The following CASS4 variants were observed in gnomAD, a reference collection of about 807,000 sequenced individuals.
CASS4 encodes cas scaffolding protein family member 4.
A neutral mutation model predicts 54.2 loss-of-function variants in CASS4; 22 were observed. The ratio of observed to expected loss-of-function variants is 0.41; its 90% CI spans 0.29 to 0.58. CASS4 has a LOEUF of 0.58. Among genes scored for constraint, CASS4 ranks in the 20% least tolerant of loss-of-function variants. CASS4 has a pLI of 0.36. For synonymous variants in CASS4, 409 were observed against 391.5 expected (o/e 1.04, Z -0.53); for missense variants, 854 against 986.7 (o/e 0.87, Z 1.80).
chr20:56,429,790 G>A (rs948002179), intron 1 of CASS4, among the ~76,000 whole-genome samples: 1 of 152,014 alleles, frequency 6.6e-6, no homozygotes, highest in African/African-American at 2.4e-5. Flanking sequence ...TCAGGTAAAC[G>A]TCCCTAAGCC....
chr20:56,442,961 A>G (rs1407346365), intron 2 of CASS4, among the ~76,000 whole-genome samples: 1 of 151,806 alleles, frequency 6.6e-6, no homozygotes, highest in Admixed American at 6.5e-5. Flanking sequence ...TGCTCTGTGG[A>G]GGTGCCCTTA....
Position 56,430,691 on chromosome 20 carries a change from C to A in CASS4, c.37-6473C>A, listed in dbSNP as rs566807244. Among the ~76,000 whole-genome samples, 1 of 152,274 alleles carries A rather than the reference C, an allele frequency of 6.6e-6. No homozygotes were observed. The highest frequency in any genetic ancestry group is 2.1e-4 in the South Asian group (1 of 4,822). On this transcript the variant is annotated intron_variant, in intron 1 of 5. Coordinates refer to ENST00000679887, the MANE Select transcript of CASS4 (RefSeq NM_020356.4). This position sits in a 1 kb window ranked among gnomAD's most constrained non-coding sequence, Gnocchi z 4.2. ...TGTCCAGTGCTCCCTGCACGCCCAG[C>A]CTGACCATAACAGCCTGAGCCCAGC...
Position 56,412,601 on chromosome 20 carries a change from A to G in CASS4, c.36+107A>G. ...GACTTTCTAATAAAGGTTGAATACCAGTGACGTGTGAGTTGGAGATGGGAA... is the reference window on the plus strand; with the variant it reads ...GACTTTCTAATAAAGGTTGAATACCGGTGACGTGTGAGTTGGAGATGGGAA... On this transcript the variant is annotated intron_variant, in intron 1 of 5. Coordinates refer to ENST00000679887, the MANE Select transcript of CASS4 (RefSeq NM_020356.4). This position sits in a 1 kb window ranked among gnomAD's most constrained non-coding sequence, Gnocchi z 4.2. 5 of 1,160,560 alleles carry G rather than the reference A, an allele frequency of 4.3e-6. No homozygotes were observed. The highest frequency in any genetic ancestry group is 6.2e-6 in the Non-Finnish European group (5 of 801,950). 71.9% of individuals were successfully genotyped at this position (1,160,560 alleles called of 1,614,324 possible).
At chr20:56,450,941 G>A (rs553638054) in intron 4 of CASS4, among the ~76,000 whole-genome samples, 1 of 151,708 alleles carries the variant, frequency 6.6e-6, no homozygotes, top group Non-Finnish European at 1.5e-5. Flanking sequence ...GGCTGAGGTG[G>A]GCAGATCACT....
At position 56,424,740 on chromosome 20, in the gene CASS4, C is replaced by CAAAA. The variant is rs759106984; in HGVS notation, c.36+12266_36+12269dup. On this transcript the variant is annotated intron_variant, in intron 1 of 5. Coordinates refer to ENST00000679887, the MANE Select transcript of CASS4 (RefSeq NM_020356.4). ...TGGATGACAGAGCGAGACTCTGTCTCAAAAAAAAAAAAAAAAAAAAAAATC... is the reference window on the plus strand; with the variant it reads ...TGGATGACAGAGCGAGACTCTGTCTCAAAAAAAAAAAAAAAAAAAAAAAAAAATC... Among the ~76,000 whole-genome samples, 248 of 71,972 alleles carry CAAAA rather than the reference C, an allele frequency of 3.4e-3. 7 individuals are homozygous for CAAAA. The highest frequency in any genetic ancestry group is 0.013 in the East Asian group (27 of 2,122). 47.2% of individuals were successfully genotyped at this position (71,972 alleles called of 152,430 possible). A position where few individuals can be genotyped will look rare whatever the true frequency, so the allele number is the denominator to read the frequency against.
At chr20:56,418,415 G>A (rs370400376) in intron 1 of CASS4, among the ~76,000 whole-genome samples, 2 of 152,196 alleles carry the variant, frequency 1.3e-5, no homozygotes, top group East Asian at 3.8e-4. Context: ...GGTCGGCCGT[G>A]TAAGAGCTTT....
Position 56,415,552 on chromosome 20 carries a change from T to C in CASS4, c.36+3058T>C, listed in dbSNP as rs148320388. Among the ~76,000 whole-genome samples, 50 of 152,386 alleles carry C rather than the reference T, an allele frequency of 3.3e-4. 1 individual carries two copies. The highest frequency in any genetic ancestry group is 1.1e-3 in the African/African-American group (47 of 41,592). ...AATACGTACTGGTGTTCAGTTCATA[T>C]TAGTGCAGTTGATCCATCTCATTAA... On this transcript the variant is annotated intron_variant, in intron 1 of 5. Transcript: ENST00000679887.
rs555438955 is a variant in CASS4 at position 56,412,801 on chromosome 20, C to A, written c.36+307C>A. On this transcript the variant is annotated intron_variant, in intron 1 of 5. Transcript: ENST00000679887. The surrounding 1 kb of genome is among the most constrained non-coding windows in gnomAD (Gnocchi z 4.2). Reference sequence around the variant, plus strand: ...AAGCAAGATGCGAGTCTGCCTCAGCCCCCGCTAATTCCTTCTTTCTCTGGA... The same window carrying A: ...AAGCAAGATGCGAGTCTGCCTCAGCACCCGCTAATTCCTTCTTTCTCTGGA... 5.3e-5 allele frequency among the ~76,000 whole-genome samples: 8 copies of A among 152,276 alleles called. No individual in the cohort carries two copies. The East Asian group carries it at 1.5e-3, about 29-fold the overall frequency.
chr20:56,446,817 C>T (rs1193142002), intron 3 of CASS4, among the ~76,000 whole-genome samples: 1 of 152,142 alleles, frequency 6.6e-6, no homozygotes, highest in African/African-American at 2.4e-5. Context: ...TAAAAGCCCT[C>T]AGGTGATTGT....
rs1421379488 is a variant in CASS4 at position 56,430,039 on chromosome 20, C to A, written c.37-7125C>A. ...TGAGATCAGAAACAGTTTTGTTCACCACGATGCCTCCAGCAGAGCCCCTGG... is the reference window on the plus strand; with the variant it reads ...TGAGATCAGAAACAGTTTTGTTCACAACGATGCCTCCAGCAGAGCCCCTGG... On this transcript the variant is annotated intron_variant, in intron 1 of 5. Coordinates refer to ENST00000679887, the MANE Select transcript of CASS4 (RefSeq NM_020356.4). This position sits in a 1 kb window ranked among gnomAD's most constrained non-coding sequence, Gnocchi z 4.2. Among the ~76,000 whole-genome samples the A allele has an allele frequency of 6.6e-6, 1 of 152,148 alleles. No homozygotes were observed. The highest frequency in any genetic ancestry group is 2.4e-5 in the African/African-American group (1 of 41,442).
chr20:56,450,452 A>G, intron 3 of CASS4, 147 bp from the exon 4 acceptor site: 1 of 711,346 alleles, frequency 1.4e-6, no homozygotes, highest in East Asian at 2.7e-5. Context: ...GATTTCTACC[A>G]TTACAGCATC....
At chr20:56,456,616 C>T (rs6024890) in intron 5 of CASS4, among the ~76,000 whole-genome samples, 2 of 152,064 alleles carry the variant, frequency 1.3e-5, no homozygotes, top group African/African-American at 4.8e-5. Context: ...CTCAAGTGAC[C>T]CTCCTGCCTC....
intron 4 of CASS4, among the ~76,000 whole-genome samples, chr20:56,451,020 T>TAA (rs113539482): frequency 2.1e-5 from 3 of 140,488 alleles, no homozygotes; most frequent in Non-Finnish European, 3.2e-5. Context: ...ATACAAAAAT[T>TAA]AAAAAAAAAA....
intron 1 of CASS4, among the ~76,000 whole-genome samples, chr20:56,423,959 T>C (rs1286647532): frequency 1.3e-5 from 2 of 152,146 alleles, no homozygotes; most frequent in Non-Finnish European, 2.9e-5. Flanking sequence ...ATTCAATAAT[T>C]TTCACCTTTT....
At chr20:56,432,069 G>T (rs1259570265) in intron 1 of CASS4, among the ~76,000 whole-genome samples, 4 of 152,156 alleles carry the variant, frequency 2.6e-5, no homozygotes, top group African/African-American at 9.7e-5. Flanking sequence ...GTCAAAGATC[G>T]TTGAGGATAC....
At chr20:56,419,136 G>A (rs899618051) in intron 1 of CASS4, among the ~76,000 whole-genome samples, 1 of 152,102 alleles carries the variant, frequency 6.6e-6, no homozygotes, top group Admixed American at 6.5e-5. Context: ...TTTTGGAATT[G>A]CGATGACTAA....
At chr20:56,436,589 G>A (rs1026170811) in intron 1 of CASS4, among the ~76,000 whole-genome samples, 2 of 151,954 alleles carry the variant, frequency 1.3e-5, no homozygotes, top group East Asian at 1.9e-4. Context: ...ACACAGGTAC[G>A]AATTTCTACC....
chr20:56,445,718 G>C (rs563695325), intron 2 of CASS4, among the ~76,000 whole-genome samples, 182 bp from the exon 3 acceptor site: 15 of 152,274 alleles, frequency 9.9e-5, no homozygotes, highest in African/African-American at 3.4e-4. Context: ...TGCCTCCACC[G>C]GGGAGCCTCC....
rs140568690 is a variant in CASS4 at position 56,445,982 on chromosome 20, G to A, written c.542G>A (p.Arg181Gln). The A allele has an allele frequency of 4.5e-5, 72 of 1,613,124 alleles. No individual in the cohort carries two copies. Among genetic ancestry groups the A allele is most frequent in the African/African-American group, 1.6e-4 (12 of 74,900 alleles). Residue 181 changes from arginine (R) to glutamine (Q), a missense_variant, in exon 3 of 6, where the codon CGG becomes CAG. By Grantham distance (43) the Arg-to-Gln change is conservative. Coordinates refer to ENST00000679887, the MANE Select transcript of CASS4 (RefSeq NM_020356.4). Reference protein sequence around the residue: ...SQVYDVPTQHRGPVVLKEPEK... With the variant: ...SQVYDVPTQHQGPVVLKEPEK... ...GTGTATGACGTGCCTACCCAGCACC[G>A]GGGCCCCGTGGTCCTGAAGGTGAGC...
Sources: gnomAD v4.1 joint callset for allele counts (sites outside exome capture counted in the v4.1 genomes callset) on GRCh38, gnomAD v4.1.1 for gene constraint, Gnocchi (gnomAD v3.1) non-coding constraint, MANE v1.5 for transcripts, NCBI Gene and HGNC (gene_info 2026-07-23, HGNC 2026-07-21) for gene names.